FAT4: variants seen among roughly 807,000 people sequenced by gnomAD.
FAT4 encodes the protein FAT atypical cadherin 4, also known as protocadherin Fat 4.
Under a neutral mutation model 303.9 loss-of-function variants are expected in FAT4, and 84 were observed. The ratio of observed to expected loss-of-function variants is 0.28; its 90% CI spans 0.23 to 0.33. FAT4 has a LOEUF of 0.33. FAT4 is among the 10% of genes least tolerant of loss of function. The pLI is 1.00. For missense variants in FAT4, 6,005 were observed against 6,146.8 expected (o/e 0.98, Z 0.77); for synonymous variants, 2,307 against 2,298.8 (o/e 1.00, Z -0.10).
intron 2 of FAT4, among the ~76,000 whole-genome samples, chr4:125,328,154 C>T (rs1731230371): frequency 6.6e-6 from 1 of 152,084 alleles, no homozygotes; most frequent in African/African-American, 2.4e-5. Flanking sequence ...TAATTTCAAG[C>T]TTTATGTAGT....
chr4:125,475,800 A>G (rs1727007646), intron 12 of FAT4, among the ~76,000 whole-genome samples: 1 of 152,168 alleles, frequency 6.6e-6, no homozygotes, highest in Non-Finnish European at 1.5e-5. Context: ...ATAGCTTGAC[A>G]GTACAATAAA....
At position 125,463,460 on chromosome 4, in the gene FAT4, C is replaced by A. The variant is rs1427895740; in HGVS notation, c.11801-103C>A. 1.3e-5 allele frequency: 7 copies of A among 528,854 alleles called. No individual in the cohort carries two copies. In the South Asian group the frequency reaches 2.9e-4, roughly 22 times the overall value. The allele number at this position is 528,854 out of a possible 1,614,324, so 32.8% of individuals were successfully genotyped here. On this transcript the variant is annotated intron_variant, in intron 10 of 17. Transcript: ENST00000394329. ...TAAAACGTTTTTATATTTCTTTTCT[C>A]CGTGATATGCCTTAGGAAAGATTTT... is the stretch of plus-strand genomic sequence containing the variant.
intron 8 of FAT4, 68 bp downstream of exon 8, chr4:125,434,493 A>G: frequency 7.3e-7 from 1 of 1,369,648 alleles, no homozygotes. Context: ...AACTACATGA[A>G]TATAATGTTT....
chr4:125,359,923 C>T (rs1732588557), intron 2 of FAT4, among the ~76,000 whole-genome samples: 1 of 152,136 alleles, frequency 6.6e-6, no homozygotes, highest in Non-Finnish European at 1.5e-5. Context: ...GATTACAGTG[C>T]TTAATCTTAA....
chr4:125,407,078 G>A lies in FAT4; in HGVS notation c.5506G>A (p.Asp1836Asn). 1 of 1,613,658 alleles carries A rather than the reference G, an allele frequency of 6.2e-7. No homozygotes were observed. The highest frequency in any genetic ancestry group is 8.5e-7 in the Non-Finnish European group (1 of 1,179,748). The change falls in exon 4 of 18, where the codon GAC becomes AAC. Residue 1836 changes from aspartate to asparagine, a missense_variant. By Grantham distance (23) the Asp-to-Asn change is conservative (BLOSUM62 1). Transcript: ENST00000394329. Reference protein sequence around the residue: ...RINITVSDVNDHTPKFSRPVY... With the variant: ...RINITVSDVNNHTPKFSRPVY... ...TAATATCACTGTCAGTGATGTGAAT[G>A]ACCATACACCCAAATTTTCCAGACC...
chr4:125,424,414 G>T (rs1470802728), intron 7 of FAT4, among the ~76,000 whole-genome samples: 1 of 152,120 alleles, frequency 6.6e-6, no homozygotes, highest in Non-Finnish European at 1.5e-5. Context: ...GGACATGTTT[G>T]CTTCTGATTC....
At chr4:125,476,119 T>C in intron 12 of FAT4, 52 bp from the exon 13 acceptor site, 1 of 1,150,492 alleles carries the variant, frequency 8.7e-7, no homozygotes. Context: ...CTGGAAAGGC[T>C]AATAGGGACG....
At chr4:125,379,068 G>T (rs1458913115) in intron 2 of FAT4, among the ~76,000 whole-genome samples, 4 of 152,074 alleles carry the variant, frequency 2.6e-5, no homozygotes, top group Admixed American at 1.3e-4. Context: ...TATAGTAAAT[G>T]GTTATTGGTC....
chr4:125,378,081 T>C (rs1733400009), intron 2 of FAT4, among the ~76,000 whole-genome samples: 2 of 152,102 alleles, frequency 1.3e-5, no homozygotes, highest in East Asian at 3.9e-4. Context: ...AGCTTAGTTA[T>C]TGCCTGATAA....
In FAT4 at chr4:125,319,498, T is replaced by C; in HGVS notation, c.3087T>C (p.Gly1029=). Residue 1029 remains glycine, a synonymous_variant, in exon 2 of 18, where the codon GGT becomes GGC. Coordinates refer to ENST00000394329, the MANE Select transcript of FAT4 (RefSeq NM_001291303.3). ...CTGATAAGGATTCAGGAGCAAATGG[T>C]GAAATTGCATACACCATTGCTGAAG... The part of the protein sequence containing the change: ...QASDKDSGAN[G]EIAYTIAEGN... The C allele has an allele frequency of 6.2e-7, 1 of 1,614,020 alleles. No homozygotes were observed. The highest frequency in any genetic ancestry group is 8.5e-7 in the Non-Finnish European group (1 of 1,179,916).
intron 2 of FAT4, among the ~76,000 whole-genome samples, chr4:125,324,354 T>C (rs1731072415): frequency 6.6e-6 from 1 of 152,108 alleles, no homozygotes. Context: ...GCTTGTTTTA[T>C]TGGTCTTTGT....
rs528317246 is a variant in FAT4, at chr4:125,317,554, C to T, written c.1143C>T (p.Thr381=). ...AQVGTVVALL[T]VTDADSPAAN... is the part of the protein sequence containing the mutation. ...TGGGCACCGTGGTGGCTCTGCTCAC[C>T]GTGACGGACGCAGATTCTCCCGCGG... The change falls in exon 2 of 18, where the codon ACC becomes ACT. Residue 381 remains threonine, a synonymous_variant. Transcript: ENST00000394329. This position sits in a 1 kb window ranked among gnomAD's most constrained non-coding sequence, Gnocchi z 7.0. The T allele has an allele frequency of 9.9e-6, 16 of 1,613,746 alleles. No individual in the cohort carries two copies. Among genetic ancestry groups the T allele is most frequent in the African/African-American group, 9.3e-5 (7 of 74,920 alleles).
intron 2 of FAT4, among the ~76,000 whole-genome samples, chr4:125,356,552 T>G (rs1239037176): frequency 4.8e-4 from 20 of 41,242 alleles, no homozygotes; most frequent in African/African-American, 1.6e-3. Flanking sequence ...GTTTTTTGTT[T>G]TTTTTTTTTT....
At chr4:125,389,647 A>T (rs746892946) in intron 2 of FAT4, among the ~76,000 whole-genome samples, 7 of 152,126 alleles carry the variant, frequency 4.6e-5, no homozygotes, top group Non-Finnish European at 1.5e-5. Context: ...CTTTCATAGA[A>T]TGAGTTGGTA....
At chr4:125,459,532 C>T (rs1197516405) in intron 10 of FAT4, among the ~76,000 whole-genome samples, 1 of 152,080 alleles carries the variant, frequency 6.6e-6, no homozygotes. Context: ...TCAAGCACAT[C>T]TCCTTCTAGT....
chr4:125,384,953 T>A (rs947264589), intron 2 of FAT4, among the ~76,000 whole-genome samples: 1 of 149,238 alleles, frequency 6.7e-6, no homozygotes, highest in Non-Finnish European at 1.5e-5. Flanking sequence ...ATGACAATAT[T>A]TGATCTTTGA....
intron 17 of FAT4, among the ~76,000 whole-genome samples, chr4:125,488,920 G>A (rs1241077689): frequency 2.0e-5 from 3 of 151,954 alleles, no homozygotes; most frequent in African/African-American, 7.3e-5. Flanking sequence ...AGAATAAGTC[G>A]GAAAAGAAGA....
intron 9 of FAT4, among the ~76,000 whole-genome samples, chr4:125,447,492 A>T (rs530199942): frequency 6.6e-6 from 1 of 152,268 alleles, no homozygotes; most frequent in Admixed American, 6.6e-5. Flanking sequence ...TTCAGATGAA[A>T]TGATGTTGGC....
intron 2 of FAT4, among the ~76,000 whole-genome samples, chr4:125,360,939 T>TTTA (rs1374536913): frequency 6.9e-6 from 1 of 145,774 alleles, no homozygotes; most frequent in Non-Finnish European, 1.5e-5. Context: ...ATTTATTTTA[T>TTTA]TATTTTTATT....
Sources: gnomAD v4.1 joint callset for allele counts (sites outside exome capture counted in the v4.1 genomes callset) on GRCh38, gnomAD v4.1.1 for gene constraint, Gnocchi (gnomAD v3.1) non-coding constraint, MANE v1.5 for transcripts, NCBI Gene and HGNC (gene_info 2026-07-23, HGNC 2026-07-21) for gene names.